Variants in SYTL2 observed in about 807,000 individuals in gnomAD.
SYTL2 encodes synaptotagmin like 2, also known as synaptotagmin-like protein 2.
Under a neutral mutation model 198.7 loss-of-function variants are expected in SYTL2, and 165 were observed. That is an observed-to-expected ratio of 0.83 (90% CI 0.73 to 0.94). The LOEUF (loss-of-function observed/expected upper bound fraction) is 0.94. Ranked by LOEUF, SYTL2 falls within the 40% of genes least tolerant of loss-of-function variation. The pLI, the probability that SYTL2 is intolerant of heterozygous loss-of-function variation, is 0.00. For synonymous variants in SYTL2, 966 were observed against 917.7 expected, an observed-to-expected ratio of 1.05 and a Z score of -0.95; for missense variants, 2,835 against 2,582.8, an observed-to-expected ratio of 1.10 and a Z score of -2.12.
chr11:85,802,385 C>A (rs1403736577), intron 1 of SYTL2, among the ~76,000 whole-genome samples: 1 of 151,838 alleles, frequency 6.6e-6, no homozygotes, highest in East Asian at 1.9e-4. Flanking sequence ...CCAGGCCCAG[C>A]CTCCCAAAGT....
Position 85,696,440 on chromosome 11 carries a change from C to T in SYTL2, c.6369-52G>A, listed in dbSNP as rs553562902. ...GCATTTTAGTAAGATAGTGAACATT[C>T]ATGCTTTCAATACATAACAACACAG... On this transcript the variant is annotated intron_variant, in intron 18 of 19. Transcript: ENST00000359152. 120 of 1,382,232 alleles carry T rather than the reference C, an allele frequency of 8.7e-5. 1 individual carries two copies. In the South Asian group the frequency reaches 1.3e-3, roughly 15 times the overall value. 85.6% of individuals were successfully genotyped at this position (1,382,232 alleles called of 1,614,324 possible). A position where few individuals can be genotyped will look rare whatever the true frequency, so the allele number is the denominator to read the frequency against.
chr11:85,808,415 A>C (rs1162043633), intron 1 of SYTL2, among the ~76,000 whole-genome samples: 1 of 152,066 alleles, frequency 6.6e-6, no homozygotes, highest in Admixed American at 6.6e-5. Context: ...TCTACAATGA[A>C]TATGTTTAGT....
intron 1 of SYTL2, among the ~76,000 whole-genome samples, chr11:85,783,218 A>G (rs1315074124): frequency 6.6e-6 from 1 of 152,198 alleles, no homozygotes; most frequent in Non-Finnish European, 1.5e-5. Context: ...GGAAGCAAAC[A>G]TGTCCTTTTT....
intron 1 of SYTL2, among the ~76,000 whole-genome samples, chr11:85,778,147 A>G (rs2092490756): frequency 1.3e-5 from 2 of 152,112 alleles, no homozygotes; most frequent in South Asian, 4.1e-4. Context: ...ACTTTAGTCA[A>G]CCTGCAGATT....
chr11:85,818,997 G>A, the SYTL2 span, among the ~76,000 whole-genome samples: 3 of 152,096 alleles, frequency 2.0e-5, no homozygotes, highest in Non-Finnish European at 4.4e-5. Flanking sequence ...CTAAAAATAA[G>A]AAGTCAGGCT....
intron 16 of SYTL2, among the ~76,000 whole-genome samples, chr11:85,703,274 T>C (rs2084626360): frequency 6.6e-6 from 1 of 152,084 alleles, no homozygotes; most frequent in Admixed American, 6.5e-5. Flanking sequence ...AAAACATAGA[T>C]AGATTCAAGC....
At position 85,744,140 on chromosome 11, in the gene SYTL2, C is replaced by T. The variant is rs148512255; in HGVS notation, c.389+1497G>A. 1.7e-3 allele frequency among the ~76,000 whole-genome samples: 256 copies of T among 152,278 alleles called. 1 individual carries two copies. Among genetic ancestry groups the T allele is most frequent in the African/African-American group, 5.8e-3 (242 of 41,556 alleles). ...GGGACAGAATAGTGTGTCCTTCACA[C>T]TCCTTCCTGGTGTTCCTGAAATATC... On this transcript the variant is annotated intron_variant, in intron 4 of 19. Transcript: ENST00000359152.
At chr11:85,772,051 T>C (rs1287769270) in intron 1 of SYTL2, among the ~76,000 whole-genome samples, 1 of 152,130 alleles carries the variant, frequency 6.6e-6, no homozygotes, top group Admixed American at 6.6e-5. Context: ...TACAGGCATA[T>C]GACACAACGC....
chr11:85,735,346 A>C (rs1210611334), intron 6 of SYTL2, among the ~76,000 whole-genome samples: 3 of 152,224 alleles, frequency 2.0e-5, no homozygotes, highest in Non-Finnish European at 2.9e-5. Context: ...AATTTCTCAA[A>C]AGAGGCTTAA....
At chr11:85,829,598 T>G in the SYTL2 span, among the ~76,000 whole-genome samples, 1 of 152,230 alleles carries the variant, frequency 6.6e-6, no homozygotes, top group African/African-American at 2.4e-5. Context: ...AAATGGTAGT[T>G]CTGTTTTAAG....
intron 4 of SYTL2, among the ~76,000 whole-genome samples, chr11:85,741,648 C>T (rs2090795140): frequency 6.6e-6 from 1 of 152,166 alleles, no homozygotes; most frequent in African/African-American, 2.4e-5. Context: ...TGGCTCATCT[C>T]TACCCTGCCT....
intron 1 of SYTL2, among the ~76,000 whole-genome samples, chr11:85,802,162 CT>C (rs1566040019): frequency 6.6e-6 from 1 of 151,482 alleles, no homozygotes; most frequent in Non-Finnish European, 1.5e-5. Context: ...TGGCTTTGAA[CT>C]TGAAACATCC....
At chr11:85,710,479 G>A (rs2086059199) in intron 13 of SYTL2, among the ~76,000 whole-genome samples, 1 of 152,126 alleles carries the variant, frequency 6.6e-6, no homozygotes, top group Non-Finnish European at 1.5e-5. Context: ...GTATGTGTAT[G>A]CACATCTGAT....
the SYTL2 span, among the ~76,000 whole-genome samples, chr11:85,845,924 T>A: frequency 4.6e-5 from 7 of 151,730 alleles, no homozygotes; most frequent in South Asian, 4.2e-4. Context: ...CAAAAAAAAA[T>A]AATAATAAAA....
chr11:85,829,196 G>T, the SYTL2 span, among the ~76,000 whole-genome samples: 1 of 152,138 alleles, frequency 6.6e-6, no homozygotes, highest in Non-Finnish European at 1.5e-5. Flanking sequence ...AGTAAGCATA[G>T]TACCAAATAG....
At chr11:85,730,324 C>T (rs2089670861) in intron 7 of SYTL2, among the ~76,000 whole-genome samples, 1 of 152,164 alleles carries the variant, frequency 6.6e-6, no homozygotes, top group African/African-American at 2.4e-5. Context: ...CCCTGATGAA[C>T]ATTGATACCA....
chr11:85,774,874 T>C (rs78038617), intron 1 of SYTL2, among the ~76,000 whole-genome samples: 2 of 152,320 alleles, frequency 1.3e-5, no homozygotes, highest in Non-Finnish European at 2.9e-5. Context: ...GTTGAAGATC[T>C]GGGTTCTGGT....
intron 3 of SYTL2, among the ~76,000 whole-genome samples, chr11:85,747,485 T>C (rs1415558987): frequency 6.6e-6 from 1 of 152,144 alleles, no homozygotes. Context: ...TAAGTAAAGA[T>C]TTCCCCCCAA....
chr11:85,842,548 C>T, the SYTL2 span, among the ~76,000 whole-genome samples: 5 of 152,338 alleles, frequency 3.3e-5, no homozygotes, highest in South Asian at 1.0e-3. Flanking sequence ...CCTCCCTCAT[C>T]TCCCCATTTT....
Sources: gnomAD v4.1 joint callset for allele counts (sites outside exome capture counted in the v4.1 genomes callset) on GRCh38, gnomAD v4.1.1 for gene constraint, MANE v1.5 for transcripts, NCBI Gene and HGNC (gene_info 2026-07-23, HGNC 2026-07-21) for gene names.